CNIH1: variants seen among roughly 807,000 people sequenced by gnomAD.
CNIH1 encodes the protein cornichon family member 1.
CNIH1 carries 12 observed loss-of-function variants against 20.2 expected under a neutral mutation model. That is an observed-to-expected ratio of 0.59 (90% CI 0.38 to 0.96). The LOEUF (loss-of-function observed/expected upper bound fraction) is 0.96. CNIH1 is among the 40% of genes least tolerant of loss of function. The pLI is 0.00. For missense variants in CNIH1, 152 were observed against 178.8 expected, an observed-to-expected ratio of 0.85 and a Z score of 0.85; for synonymous variants, 69 against 63.3, an observed-to-expected ratio of 1.09 and a Z score of -0.43.
At position 54,432,152 on chromosome 14, in the gene CNIH1, A is replaced by G. The variant is rs2030962509; in HGVS notation, c.219T>C (p.Leu73=). The change falls in exon 3 of 5, where the codon CTT becomes CTC. Residue 73 remains leucine, a synonymous_variant. Transcript: ENST00000216416. ...CVMFLCAAEW[L]TLGLNMPLLA... ...AGAGGGGCATATTGAGACCCAGTGT[A>G]AGCCACTCTGCTGCACAAAGAAACA... 2 of 1,571,660 alleles carry G rather than the reference A, an allele frequency of 1.3e-6. No individual in the cohort carries two copies. The highest frequency in any genetic ancestry group is 1.3e-5 in the African/African-American group (1 of 74,396).
At chr14:54,439,838 C>A (rs1299380799) in intron 1 of CNIH1, among the ~76,000 whole-genome samples, 1 of 152,136 alleles carries the variant, frequency 6.6e-6, no homozygotes, top group Non-Finnish European at 1.5e-5. Flanking sequence ...GAGTGAGCCA[C>A]CGCGCCCGGC....
chr14:54,429,750 C>G (rs778722518), intron 4 of CNIH1, among the ~76,000 whole-genome samples: 1 of 151,302 alleles, frequency 6.6e-6, no homozygotes, highest in Admixed American at 6.6e-5. Flanking sequence ...ACAGAGACTC[C>G]GACTCAAAAA....
At chr14:54,430,151 A>AAGACAC in intron 4 of CNIH1, 110 bp downstream of exon 4, 1 of 1,168,334 alleles carries the variant, frequency 8.6e-7, no homozygotes, top group Non-Finnish European at 1.2e-6. Context: ...ATGCACACTT[A>AAGACAC]AGACACTAAG....
intron 1 of CNIH1, among the ~76,000 whole-genome samples, chr14:54,437,041 T>C (rs1393380505): frequency 6.6e-6 from 1 of 152,210 alleles, no homozygotes; most frequent in Admixed American, 6.5e-5. Context: ...ACACTAGAGA[T>C]GGATTCGAAC....
chr14:54,437,842 G>C (rs929346856), intron 1 of CNIH1, among the ~76,000 whole-genome samples: 14 of 152,246 alleles, frequency 9.2e-5, no homozygotes, highest in African/African-American at 3.4e-4. Context: ...TAACCCCAAT[G>C]CATTTTAGTA....
chr14:54,435,616 C>T (rs1296206374), intron 2 of CNIH1, among the ~76,000 whole-genome samples: 1 of 152,124 alleles, frequency 6.6e-6, no homozygotes, highest in African/African-American at 2.4e-5. Context: ...CCAGAGCCCC[C>T]AGAACAGAGC....
intron 4 of CNIH1, 41 bp downstream of exon 4, chr14:54,430,204 TGCAAACTTTTAAAGCA>T: frequency 6.4e-7 from 1 of 1,571,434 alleles, no homozygotes; most frequent in Non-Finnish European, 8.7e-7. Context: ...CCATAATGCC[TGCAAACTTTTAAAGCA>T]GCAAAGTGAA....
intron 2 of CNIH1, 58 bp from the exon 3 acceptor site, chr14:54,432,278 T>C: frequency 1.0e-5 from 9 of 892,754 alleles, no homozygotes; most frequent in Non-Finnish European, 8.4e-6. Flanking sequence ...CAACTACTAA[T>C]CTGGAAAGCA....
chr14:54,436,613 A>C (rs2031058576), intron 1 of CNIH1, 176 bp from the exon 2 acceptor site: 3 of 584,796 alleles, frequency 5.1e-6, no homozygotes, highest in Non-Finnish European at 9.1e-6. Flanking sequence ...ATGCGATTTA[A>C]AGTGAAAACA....
chr14:54,441,025 G>C (rs1173607313), intron 1 of CNIH1, among the ~76,000 whole-genome samples: 1 of 151,828 alleles, frequency 6.6e-6, no homozygotes, highest in Non-Finnish European at 1.5e-5. Flanking sequence ...CGGTGCGCGC[G>C]GCCTGTGCCG....
chr14:54,430,102 G>T, intron 4 of CNIH1, 159 bp downstream of exon 4: 1 of 699,428 alleles, frequency 1.4e-6, no homozygotes, highest in Non-Finnish European at 2.4e-6. Flanking sequence ...GCACCAGTGT[G>T]GGCCACACTG....
At chr14:54,437,370 A>C (rs1477602662) in intron 1 of CNIH1, among the ~76,000 whole-genome samples, 2 of 152,222 alleles carry the variant, frequency 1.3e-5, no homozygotes, top group Non-Finnish European at 2.9e-5. Flanking sequence ...AGTAATCAGT[A>C]AAGTTACATA....
intron 2 of CNIH1, chr14:54,435,999 A>G: frequency 1.5e-6 from 1 of 687,614 alleles, no homozygotes; most frequent in Non-Finnish European, 2.7e-6. Context: ...ACTGAACAAA[A>G]CGTTACAAAT....
chr14:54,430,806 G>T (rs929379562), intron 3 of CNIH1, among the ~76,000 whole-genome samples: 4 of 151,364 alleles, frequency 2.6e-5, no homozygotes, highest in Non-Finnish European at 4.4e-5. Flanking sequence ...CTGAGTACTG[G>T]TTTTTTTTGG....
At chr14:54,441,154 C>G in intron 1 of CNIH1, 93 bp downstream of exon 1, 1 of 1,295,234 alleles carries the variant, frequency 7.7e-7, no homozygotes, top group Non-Finnish European at 1.0e-6. Flanking sequence ...ACGCGCAAAG[C>G]CCCGGCGGCC....
rs1311495204 is a variant in CNIH1 at position 54,423,936 on chromosome 14, T to A, written c.*3878A>T. ...ACCTTCACTCCAACCCCAAAGATCT[T>A]ACATGGTTAATACTATTTTCCAAAA... On this transcript the variant is annotated 3_prime_UTR_variant, in exon 5 of 5. Transcript: ENST00000216416. The A allele has an allele frequency of 6.6e-6, 1 of 152,188 alleles. No individual in the cohort carries two copies. The highest frequency in any genetic ancestry group is 2.4e-5 in the African/African-American group (1 of 41,454). 9.4% of individuals were successfully genotyped at this position (152,188 alleles called of 1,614,324 possible). A position where few individuals can be genotyped will look rare whatever the true frequency, so the allele number is the denominator to read the frequency against.
intron 1 of CNIH1, among the ~76,000 whole-genome samples, chr14:54,438,344 G>A (rs1016318718): frequency 2.6e-5 from 4 of 152,116 alleles, no homozygotes; most frequent in Non-Finnish European, 5.9e-5. Context: ...TAGGGTTTTC[G>A]AACCTCTTCT....
chr14:54,436,932 T>G (rs2031067023), intron 1 of CNIH1: 1 of 330,334 alleles, frequency 3.0e-6, no homozygotes. Flanking sequence ...AGTGTGGTAT[T>G]TACACACAGG....
chr14:54,430,354 G>A lies in CNIH1; in HGVS notation c.314C>T (p.Thr105Ile). 1 of 1,614,042 alleles carries A rather than the reference G, an allele frequency of 6.2e-7. No individual in the cohort carries two copies. The highest frequency in any genetic ancestry group is 8.5e-7 in the Non-Finnish European group (1 of 1,179,896). ...TGCTAGAATATCTGCATTCATGATG[G>A]TTGTAGGGTCATAGAGTCCTGGGCC... ...MSGPGLYDPT[T>I]IMNADILAYC... Residue 105 changes from threonine to isoleucine, a missense_variant, in exon 4 of 5, where the codon ACC becomes ATC. Thr to Ile is a moderately conservative substitution (Grantham distance 89). Around this residue, in one of 3 missense-constraint regions of CNIH1, gnomAD observed 27 missense variants for 55.4 expected, o/e 0.49. Coordinates refer to ENST00000216416, the MANE Select transcript of CNIH1 (RefSeq NM_005776.3).
Sources: allele counts gnomAD v4.1 joint callset (sites outside exome capture counted in the v4.1 genomes callset), GRCh38; gene constraint gnomAD v4.1.1; regional missense constraint gnomAD v4.1.1; transcripts MANE v1.5; gene names NCBI Gene and HGNC (gene_info 2026-07-23, HGNC 2026-07-21).